DIAPH3: variants seen among roughly 807,000 people sequenced by gnomAD.
DIAPH3 encodes the protein protein diaphanous homolog 3.
DIAPH3 carries 117 observed loss-of-function variants against 144.3 expected under a neutral mutation model. That is an observed-to-expected ratio of 0.81 (90% CI 0.70 to 0.95). DIAPH3 has a LOEUF of 0.95. Ranked by LOEUF, DIAPH3 falls within the 40% of genes least tolerant of loss-of-function variation. The pLI, the probability that DIAPH3 is intolerant of heterozygous loss-of-function variation, is 0.00. For synonymous variants in DIAPH3, 519 were observed against 488.9 expected, an observed-to-expected ratio of 1.06 and a Z score of -0.81; for missense variants, 1,421 against 1,412.7, an observed-to-expected ratio of 1.01 and a Z score of -0.09.
At chr13:60,056,189 T>C (rs550180092) in intron 4 of DIAPH3, among the ~76,000 whole-genome samples, 60 of 150,180 alleles carry the variant, frequency 4.0e-4, no homozygotes, top group African/African-American at 1.4e-3. Context: ...TGAATATATA[T>C]AAAATACATA....
intron 7 of DIAPH3, among the ~76,000 whole-genome samples, chr13:60,012,509 T>C (rs767521897): frequency 6.6e-6 from 1 of 152,240 alleles, no homozygotes; most frequent in Non-Finnish European, 1.5e-5. Context: ...GTCAGGTTTA[T>C]AAAGTACCAC....
intron 14 of DIAPH3, among the ~76,000 whole-genome samples, chr13:59,978,143 T>A (rs1211144592): frequency 6.6e-6 from 1 of 151,762 alleles, no homozygotes; most frequent in African/African-American, 2.4e-5. Flanking sequence ...TGAAAGCTCA[T>A]AAATGTGAGA....
intron 27 of DIAPH3, among the ~76,000 whole-genome samples, chr13:59,762,610 C>T (rs1001364646): frequency 2.0e-5 from 3 of 151,858 alleles, no homozygotes; most frequent in African/African-American, 7.2e-5. Flanking sequence ...TAATAATTGC[C>T]TATTGCCTCT....
At chr13:60,155,480 T>C (rs1951984184) in intron 1 of DIAPH3, among the ~76,000 whole-genome samples, 4 of 152,250 alleles carry the variant, frequency 2.6e-5, no homozygotes, top group Admixed American at 2.0e-4. Context: ...TGGGTTTTTC[T>C]GTTTTATTAA....
intron 25 of DIAPH3, among the ~76,000 whole-genome samples, chr13:59,809,535 C>G (rs2040367552): frequency 1.3e-5 from 2 of 151,282 alleles, no homozygotes; most frequent in Admixed American, 1.3e-4. Flanking sequence ...GTTCAAACAC[C>G]AGAATCTTCT....
At chr13:59,842,665 C>T (rs945968546) in intron 22 of DIAPH3, among the ~76,000 whole-genome samples, 1 of 152,086 alleles carries the variant, frequency 6.6e-6, no homozygotes, top group African/African-American at 2.4e-5. Context: ...TAGACTGACT[C>T]GCTATAAATC....
chr13:59,763,335 TAC>T (rs143659060), intron 27 of DIAPH3, among the ~76,000 whole-genome samples: 27 of 152,016 alleles, frequency 1.8e-4, no homozygotes, highest in Non-Finnish European at 2.5e-4. Flanking sequence ...TATATGTGTG[TAC>T]ACACACACAT....
chr13:59,792,263 G>A (rs1410358696), intron 25 of DIAPH3, among the ~76,000 whole-genome samples: 2 of 152,110 alleles, frequency 1.3e-5, no homozygotes, highest in African/African-American at 4.8e-5. Context: ...GCTATGTCAG[G>A]CTGTCACTTT....
At chr13:59,882,455 G>T (rs961330456) in intron 20 of DIAPH3, among the ~76,000 whole-genome samples, 22 of 152,094 alleles carry the variant, frequency 1.4e-4, no homozygotes, top group Admixed American at 2.0e-4. Flanking sequence ...GGGTTAAGAA[G>T]GGGGAAAATA....
intron 4 of DIAPH3, among the ~76,000 whole-genome samples, chr13:60,068,619 T>C (rs1351768754): frequency 6.6e-6 from 1 of 152,138 alleles, no homozygotes; most frequent in Non-Finnish European, 1.5e-5. Flanking sequence ...GCATACTACC[T>C]GATAGTCTTT....
chr13:59,944,707 C>A (rs958772893), intron 17 of DIAPH3, among the ~76,000 whole-genome samples: 1 of 150,118 alleles, frequency 6.7e-6, no homozygotes. Flanking sequence ...TAAATATATA[C>A]ATTTATTATT....
chr13:59,945,307 C>T (rs188468300), intron 17 of DIAPH3, among the ~76,000 whole-genome samples: 1 of 152,226 alleles, frequency 6.6e-6, no homozygotes, highest in Non-Finnish European at 1.5e-5. Context: ...TCAAAAACTA[C>T]AGTCATTTTT....
intron 14 of DIAPH3, among the ~76,000 whole-genome samples, chr13:59,977,235 CAGAG>C (rs1164920649): frequency 1.3e-5 from 2 of 151,720 alleles, no homozygotes; most frequent in African/African-American, 2.4e-5. Flanking sequence ...AAGAGAGAGA[CAGAG>C]AGAGACTGAA....
chr13:60,133,085 A>C, intron 1 of DIAPH3, 96 bp from the exon 2 acceptor site: 8 of 792,854 alleles, frequency 1.0e-5, no homozygotes, highest in Middle Eastern at 6.0e-4. Flanking sequence ...TCCTAACTTG[A>C]ATATAATTAA....
chr13:59,971,536 T>C lies in DIAPH3; in HGVS notation c.1651-376A>G, dbSNP rs114030455. On this transcript the variant is annotated intron_variant, in intron 15 of 27. Transcript: ENST00000400324. The stretch of plus-strand genomic sequence containing the variant: ...GTTCACTCATAGTATGGAGAGAATA[T>C]GTAGCATGACAAAGGGTCTATGCAC... Among the ~76,000 whole-genome samples the C allele has an allele frequency of 4.7e-3, 713 of 152,274 alleles. 6 individuals carry two copies. The highest frequency in any genetic ancestry group is 0.015 in the African/African-American group (634 of 41,552).
chr13:59,829,216 G>C (rs1465849175), intron 24 of DIAPH3, among the ~76,000 whole-genome samples: 2 of 151,884 alleles, frequency 1.3e-5, no homozygotes, highest in Non-Finnish European at 2.9e-5. Context: ...TAAATCCCAA[G>C]ACAATCTTAA....
chr13:59,904,319 A>G (rs2046614150), intron 20 of DIAPH3, among the ~76,000 whole-genome samples: 1 of 152,192 alleles, frequency 6.6e-6, no homozygotes, highest in African/African-American at 2.4e-5. Flanking sequence ...GGGTATCTTC[A>G]TTATCTTCAT....
intron 27 of DIAPH3, among the ~76,000 whole-genome samples, chr13:59,743,109 T>G (rs749147063): frequency 9.2e-5 from 14 of 152,152 alleles, no homozygotes; most frequent in Non-Finnish European, 5.9e-5. Context: ...GAATTCACAT[T>G]CTAAACTACT....
chr13:59,724,898 T>C (rs2035532720), intron 27 of DIAPH3, among the ~76,000 whole-genome samples: 1 of 152,206 alleles, frequency 6.6e-6, no homozygotes. Context: ...ATTGTTGCTG[T>C]GAGGAATATA....
Sources: allele counts gnomAD v4.1 joint callset (sites outside exome capture counted in the v4.1 genomes callset), GRCh38; gene constraint gnomAD v4.1.1; transcripts MANE v1.5; gene names NCBI Gene and HGNC (gene_info 2026-07-23, HGNC 2026-07-21).